CBL: variants seen among roughly 807,000 people sequenced by gnomAD.
The protein encoded by CBL is E3 ubiquitin-protein ligase CBL.
Under a neutral mutation model 96.9 loss-of-function variants are expected in CBL, and 45 were observed. The ratio of observed to expected loss-of-function variants is 0.46; its 90% CI spans 0.37 to 0.60. CBL has a LOEUF of 0.60. Among genes scored for constraint, CBL ranks in the 20% least tolerant of loss-of-function variants. The pLI is 0.00. For synonymous variants in CBL, 420 were observed against 426.8 expected, an observed-to-expected ratio of 0.98 and a Z score of 0.20; for missense variants, 1,024 against 1,143.5, an observed-to-expected ratio of 0.90 and a Z score of 1.51.
At chr11:119,220,613 A>G (rs1316032859) in intron 1 of CBL, among the ~76,000 whole-genome samples, 1 of 152,200 alleles carries the variant, frequency 6.6e-6, no homozygotes, top group Non-Finnish European at 1.5e-5. Context: ...AAATAAAAAT[A>G]AAATCCATAT....
chr11:119,240,606 G>T (rs534475030), intron 2 of CBL, among the ~76,000 whole-genome samples: 1 of 152,318 alleles, frequency 6.6e-6, no homozygotes, highest in South Asian at 2.1e-4. Flanking sequence ...CCAACCTCTG[G>T]AAGGAGAGGT....
intron 2 of CBL, among the ~76,000 whole-genome samples, chr11:119,264,849 C>T (rs574098258): frequency 4.6e-4 from 70 of 152,236 alleles, no homozygotes; most frequent in African/African-American, 1.7e-3. Flanking sequence ...TACCAATCTG[C>T]AATTAGCTAA....
At chr11:119,243,147 G>A (rs1366124013) in intron 2 of CBL, among the ~76,000 whole-genome samples, 2 of 152,024 alleles carry the variant, frequency 1.3e-5, no homozygotes, top group Non-Finnish European at 2.9e-5. Flanking sequence ...GTGTGGCAGT[G>A]CACGCCTGTA....
In CBL at chr11:119,303,905, C is replaced by A; in HGVS notation, c.*4124C>A. On this transcript the variant is annotated 3_prime_UTR_variant, in exon 16 of 16. Coordinates refer to ENST00000264033, the MANE Select transcript of CBL (RefSeq NM_005188.4). ...GGATTTTCGTATCACCCTTATGGGA[C>A]CTGTCACCATGTCCTGTACTATTTG... 4.3e-6 allele frequency: 1 copy of A among 233,650 alleles called. No homozygotes were observed. The highest frequency in any genetic ancestry group is 8.5e-6 in the Non-Finnish European group (1 of 118,040). 14.5% of individuals were successfully genotyped at this position (233,650 alleles called of 1,614,324 possible). A position where few individuals can be genotyped will look rare whatever the true frequency, so the allele number is the denominator to read the frequency against.
chr11:119,268,059 A>G (rs1949817339), intron 2 of CBL, among the ~76,000 whole-genome samples: 1 of 152,252 alleles, frequency 6.6e-6, no homozygotes, highest in Middle Eastern at 3.2e-3. Context: ...GCTAGAACAT[A>G]CTAGTGAAGA....
chr11:119,285,300 C>G lies in CBL; in HGVS notation c.1675C>G (p.Arg559Gly), dbSNP rs779425249. The G allele has an allele frequency of 4.3e-6, 7 of 1,614,150 alleles. No homozygotes were observed. The highest frequency in any genetic ancestry group is 1.7e-5 in the Admixed American group (1 of 60,018). ...GCCATATTCTGTTGGAGCAGAATCC[C>G]GACCTCAAAGACGCCCCTTGCCTTG... is the stretch of plus-strand genomic sequence containing the variant. ...DRPYSVGAES[R>G]PQRRPLPCTP... is the part of the protein sequence containing the mutation. The change falls in exon 11 of 16, where the codon CGA (arginine) becomes GGA (glycine). Residue 559 changes from arginine to glycine, a missense_variant. This residue lies in a region of CBL where 695 missense variants were observed against 661.6 expected (regional missense o/e 1.05). Coordinates refer to ENST00000264033, the MANE Select transcript of CBL (RefSeq NM_005188.4).
Position 119,303,024 on chromosome 11 carries a change from G to A in CBL, c.*3243G>A. 1 of 229,802 alleles carries A rather than the reference G, an allele frequency of 4.4e-6. No individual in the cohort carries two copies. The highest frequency in any genetic ancestry group is 8.6e-6 in the Non-Finnish European group (1 of 115,734). The allele number at this position is 229,802 out of a possible 1,614,324, so 14.2% of individuals were successfully genotyped here. On this transcript the variant is annotated 3_prime_UTR_variant, in exon 16 of 16. Coordinates refer to ENST00000264033, the MANE Select transcript of CBL (RefSeq NM_005188.4). Reference sequence around the variant, plus strand: ...TAAAAGATTTCTGGTTAAGGGAGGTGGGGGTCACTGTTCATCACTCTTAAA... The same window carrying A: ...TAAAAGATTTCTGGTTAAGGGAGGTAGGGGTCACTGTTCATCACTCTTAAA...
Position 119,273,873 on chromosome 11 carries a change from T to C in CBL, c.596T>C (p.Ile199Thr), listed in dbSNP as rs1949867479. ...CCTCTCCACCCCCTCCCCAGGACAA[T>C]AGTCCCTTGGAAGAGCTTTCGACAG... ...FWRKAFGEKT[I>T]VPWKSFRQAL... The change falls in exon 4 of 16, where the codon ATA becomes ACA. Residue 199 changes from isoleucine (I) to threonine (T), a missense_variant. Around this residue, in one of 4 missense-constraint regions of CBL, gnomAD observed 192 missense variants for 321.8 expected, o/e 0.60. Coordinates refer to ENST00000264033, the MANE Select transcript of CBL (RefSeq NM_005188.4). 1.9e-6 allele frequency: 3 copies of C among 1,613,780 alleles called. No individual in the cohort carries two copies. Among genetic ancestry groups the C allele is most frequent in the Non-Finnish European group, 2.5e-6 (3 of 1,179,658 alleles).
rs1950088762 is a variant in CBL, at chr11:119,299,768, A to G, written c.2708A>G (p.His903Arg). The change falls in exon 16 of 16, where the codon CAT becomes CGT. Residue 903 changes from histidine (H) to arginine (R), a missense_variant. By Grantham distance (29) the His-to-Arg change is conservative. Around this residue, in one of 4 missense-constraint regions of CBL, gnomAD observed 23 missense variants for 42.7 expected, o/e 0.54. Coordinates refer to ENST00000264033, the MANE Select transcript of CBL (RefSeq NM_005188.4). ...TTTGTTTCCATTTCTTCTCCTGCCC[A>G]TGTAGCTACCTAGCACACCATCTCC... ...REFVSISSPA[H>R]VAT 4 of 1,614,142 alleles carry G rather than the reference A, an allele frequency of 2.5e-6. No homozygotes were observed. Among genetic ancestry groups the G allele is most frequent in the African/African-American group, 1.3e-5 (1 of 75,046 alleles).
intron 2 of CBL, among the ~76,000 whole-genome samples, chr11:119,238,241 G>A (rs1592379985): frequency 6.8e-6 from 1 of 147,408 alleles, no homozygotes; most frequent in Admixed American, 6.8e-5. Context: ...TTTTTTAATA[G>A]ATAGAGTCTT....
intron 2 of CBL, among the ~76,000 whole-genome samples, chr11:119,259,043 T>G (rs1260401583): frequency 6.6e-6 from 1 of 152,202 alleles, no homozygotes; most frequent in Non-Finnish European, 1.5e-5. Context: ...TTCTTTCAGC[T>G]ATTGTAAAAG....
intron 2 of CBL, among the ~76,000 whole-genome samples, chr11:119,267,038 T>C (rs1250902458): frequency 6.6e-6 from 1 of 152,198 alleles, no homozygotes; most frequent in Non-Finnish European, 1.5e-5. Flanking sequence ...TTTTACATGT[T>C]AAGACAGATT....
chr11:119,278,231 T>C lies in CBL; in HGVS notation c.1161T>C (p.Asn387=), dbSNP rs770091271. 2.5e-6 allele frequency: 4 copies of C among 1,612,782 alleles called. No homozygotes were observed. The South Asian group carries it at 4.4e-5, about 18-fold the overall frequency. Residue 387 remains asparagine (N), a synonymous_variant, in exon 8 of 16, where the codon AAT becomes AAC. Coordinates refer to ENST00000264033, the MANE Select transcript of CBL (RefSeq NM_005188.4). ...AACTATGTAAAATATGTGCTGAAAATGATAAGGATGTAAAGATTGAGCCCT... is the reference window on the plus strand; with the variant it reads ...AACTATGTAAAATATGTGCTGAAAACGATAAGGATGTAAAGATTGAGCCCT... ...TFQLCKICAE[N]DKDVKIEPCG...
intron 2 of CBL, among the ~76,000 whole-genome samples, chr11:119,268,396 G>T (rs577468726): frequency 6.6e-6 from 1 of 152,304 alleles, no homozygotes; most frequent in African/African-American, 2.4e-5. Flanking sequence ...AATGAAAGAA[G>T]CTAAGAAGAT....
intron 1 of CBL, among the ~76,000 whole-genome samples, chr11:119,214,076 C>T (rs1344268570): frequency 6.6e-6 from 1 of 152,082 alleles, no homozygotes; most frequent in African/African-American, 2.4e-5. Flanking sequence ...TCCTGAGTAG[C>T]TGGGACTACA....
At chr11:119,263,949 G>A (rs568598356) in intron 2 of CBL, among the ~76,000 whole-genome samples, 3 of 152,314 alleles carry the variant, frequency 2.0e-5, no homozygotes, top group Admixed American at 6.5e-5. Flanking sequence ...CTTAAAAGCA[G>A]TGATCATGTT....
intron 2 of CBL, among the ~76,000 whole-genome samples, chr11:119,239,900 T>C (rs1949572189): frequency 6.6e-6 from 1 of 152,158 alleles, no homozygotes; most frequent in South Asian, 2.1e-4. Flanking sequence ...TAGTTAAATA[T>C]AGTACATAGA....
intron 4 of CBL, 84 bp from the exon 5 acceptor site, chr11:119,274,748 G>T (rs2135300107): frequency 2.5e-6 from 3 of 1,224,446 alleles, no homozygotes; most frequent in South Asian, 1.3e-5. Context: ...CTGAGAGTTG[G>T]TGTTGTTTTT....
intron 1 of CBL, among the ~76,000 whole-genome samples, chr11:119,223,184 CTTTTTTTTTT>C (rs1167302746): frequency 2.7e-4 from 18 of 67,156 alleles, no homozygotes; most frequent in African/African-American, 4.6e-4. Context: ...CACACCCTTC[CTTTTTTTTTT>C]TTTTTTTTTT....
Sources: gnomAD v4.1 joint callset for allele counts (sites outside exome capture counted in the v4.1 genomes callset) on GRCh38, gnomAD v4.1.1 for gene constraint, gnomAD v4.1.1 regional missense constraint, MANE v1.5 for transcripts, NCBI Gene and HGNC (gene_info 2026-07-23, HGNC 2026-07-21) for gene names.